The following SGCD variants were observed in gnomAD, a reference collection of about 807,000 sequenced individuals.
SGCD encodes delta-sarcoglycan.
A neutral mutation model predicts 36.6 loss-of-function variants in SGCD; 18 were observed. That is an observed-to-expected ratio of 0.49 (90% confidence interval 0.34 to 0.73). The LOEUF is 0.73. Among genes scored for constraint, SGCD ranks in the 30% least tolerant of loss-of-function variants. SGCD has a pLI of 0.01. For synonymous variants in SGCD, 133 were observed against 130.6 expected (o/e 1.02, Z -0.12); for missense variants, 387 against 346.7 (o/e 1.12, Z -0.92).
chr5:155,806,452 C>G, the SGCD span, among the ~76,000 whole-genome samples: 2 of 152,164 alleles, frequency 1.3e-5, no homozygotes, highest in Non-Finnish European at 2.9e-5. Context: ...CGTGCCCAGC[C>G]GACTTCACTA....
chr5:155,985,242 G>A (rs1758307553), intron 1 of SGCD, among the ~76,000 whole-genome samples: 1 of 152,160 alleles, frequency 6.6e-6, no homozygotes, highest in African/African-American at 2.4e-5. Flanking sequence ...AAATCAAGGT[G>A]CTGGCAGGCC....
intron 1 of SGCD, among the ~76,000 whole-genome samples, chr5:156,048,211 C>G (rs1268024911): frequency 6.6e-6 from 1 of 152,178 alleles, no homozygotes; most frequent in Non-Finnish European, 1.5e-5. Context: ...TTTTCTTAAT[C>G]CAGTCTATCA....
At chr5:156,278,492 C>T (rs903637737) in intron 3 of SGCD, among the ~76,000 whole-genome samples, 4 of 152,086 alleles carry the variant, frequency 2.6e-5, no homozygotes, top group Admixed American at 2.6e-4. Context: ...CAAAGAAGTT[C>T]AACTCAAGAT....
chr5:156,704,375 G>GTA, intron 7 of SGCD: 1 of 152,246 alleles, frequency 6.6e-6, no homozygotes, highest in East Asian at 1.9e-4. Context: ...AAATAAAAAT[G>GTA]CCTAGCTAAG....
At chr5:155,882,338 C>T (rs1755904181) in intron 1 of SGCD, among the ~76,000 whole-genome samples, 2 of 151,958 alleles carry the variant, frequency 1.3e-5, no homozygotes, top group African/African-American at 2.4e-5. Context: ...CTTGGCCTCC[C>T]GAAGATCTGA....
At chr5:156,590,779 C>T (rs1184650485) in intron 5 of SGCD, among the ~76,000 whole-genome samples, 2 of 151,440 alleles carry the variant, frequency 1.3e-5, no homozygotes, top group African/African-American at 4.8e-5. Flanking sequence ...TCTCTCCCTA[C>T]CCTTCTGACA....
chr5:155,895,491 A>T (rs146884797), intron 1 of SGCD, among the ~76,000 whole-genome samples: 1 of 152,184 alleles, frequency 6.6e-6, no homozygotes, highest in African/African-American at 2.4e-5. Flanking sequence ...TTGGCGATCC[A>T]CAGCCAGGGG....
intron 3 of SGCD, among the ~76,000 whole-genome samples, chr5:156,315,400 T>C (rs996080359): frequency 3.3e-5 from 5 of 152,006 alleles, no homozygotes; most frequent in African/African-American, 9.7e-5. Flanking sequence ...TTACCTTGTT[T>C]TTAAGGCTGA....
the SGCD span, among the ~76,000 whole-genome samples, chr5:155,742,843 A>G: frequency 1.2e-4 from 18 of 152,196 alleles, no homozygotes; most frequent in Non-Finnish European, 2.5e-4. Flanking sequence ...CCAGCTATAG[A>G]TTGGGTTTCT....
intron 1 of SGCD, among the ~76,000 whole-genome samples, chr5:156,052,966 C>G (rs140516107): frequency 6.8e-5 from 10 of 146,172 alleles, no homozygotes; most frequent in East Asian, 5.8e-4. Context: ...GTTGTGCCCC[C>G]CTGGGGACAG....
chr5:156,702,455 C>T (rs1401149223), intron 7 of SGCD, among the ~76,000 whole-genome samples: 1 of 152,080 alleles, frequency 6.6e-6, no homozygotes, highest in Non-Finnish European at 1.5e-5. Flanking sequence ...TCCTCCCAAG[C>T]CATCCTCAAA....
upstream of SGCD, among the ~76,000 whole-genome samples, chr5:156,324,742 ACTT>A (rs573615529): frequency 2.1e-3 from 318 of 150,320 alleles, 2 homozygotes; most frequent in African/African-American, 7.5e-3. Context: ...ACTATTTAAA[ACTT>A]CTTTTTTTTT....
At chr5:156,020,793 T>C (rs970385462) in intron 1 of SGCD, among the ~76,000 whole-genome samples, 1 of 149,856 alleles carries the variant, frequency 6.7e-6, no homozygotes, top group Non-Finnish European at 1.5e-5. Flanking sequence ...CTCATTTAGT[T>C]CTCATAACAA....
At chr5:155,742,573 T>A in the SGCD span, among the ~76,000 whole-genome samples, 3 of 152,154 alleles carry the variant, frequency 2.0e-5, no homozygotes, top group African/African-American at 7.2e-5. Context: ...AAAGCAAATG[T>A]TTTTCCTTCC....
At chr5:156,548,754 G>A (rs1758678319) in intron 4 of SGCD, among the ~76,000 whole-genome samples, 1 of 152,160 alleles carries the variant, frequency 6.6e-6, no homozygotes, top group African/African-American at 2.4e-5. Context: ...CACAGTCACT[G>A]GTGATGGTGA....
At chr5:156,175,476 A>G (rs1763444363) in intron 3 of SGCD, among the ~76,000 whole-genome samples, 1 of 152,092 alleles carries the variant, frequency 6.6e-6, no homozygotes, top group Non-Finnish European at 1.5e-5. Context: ...TTTACCTCTT[A>G]GTCTCATCTC....
intron 3 of SGCD, among the ~76,000 whole-genome samples, chr5:156,363,330 A>C (rs780488099): frequency 6.6e-5 from 10 of 152,154 alleles, no homozygotes; most frequent in Non-Finnish European, 1.2e-4. Context: ...GATTTTATTA[A>C]GGGAGTCAGT....
the SGCD span, among the ~76,000 whole-genome samples, chr5:155,787,142 A>C: frequency 6.6e-6 from 1 of 152,298 alleles, no homozygotes; most frequent in South Asian, 2.1e-4. Context: ...TCAGGAGCTA[A>C]GTGTAATTAA....
intron 6 of SGCD, among the ~76,000 whole-genome samples, chr5:156,610,068 C>G (rs943936930): frequency 3.9e-5 from 6 of 152,198 alleles, no homozygotes; most frequent in African/African-American, 1.4e-4. Context: ...CTCCGTCTAG[C>G]TTTGTTCCAT....
Sources: allele counts gnomAD v4.1 joint callset (sites outside exome capture counted in the v4.1 genomes callset), GRCh38; gene constraint gnomAD v4.1.1; transcripts MANE v1.5; gene names NCBI Gene and HGNC (gene_info 2026-07-23, HGNC 2026-07-21).